Variants in C10orf88 observed in about 807,000 individuals in gnomAD.
C10orf88 encodes ATPase PAAT.
In C10orf88, 29 loss-of-function variants were observed where a neutral mutation model predicts 34.2. That is an observed-to-expected ratio of 0.85 (90% CI 0.63 to 1.16). The LOEUF (loss-of-function observed/expected upper bound fraction) is 1.16, where lower values mean the gene tolerates loss of function less well. Among genes scored for constraint, C10orf88 ranks in the 50% most tolerant of loss-of-function variants. C10orf88 has a pLI of 0.00. For synonymous variants in C10orf88, 194 were observed against 197.4 expected (o/e 0.98, Z 0.15); for missense variants, 507 against 533.2 (o/e 0.95, Z 0.48).
chr10:122,939,435 G>A (rs1213443791), intron 4 of C10orf88, among the ~76,000 whole-genome samples: 1 of 151,898 alleles, frequency 6.6e-6, no homozygotes, highest in Non-Finnish European at 1.5e-5. Flanking sequence ...AAAATAAAGT[G>A]AGAAAGGAGA....
In C10orf88 at chr10:122,951,993, A is replaced by AT. The variant is rs751388819; in HGVS notation, c.401dup (p.Asn134LysfsTer12). The AT allele has an allele frequency of 3.5e-5, 54 of 1,540,452 alleles. No homozygotes were observed. The highest frequency in any genetic ancestry group is 4.3e-5 in the Non-Finnish European group (48 of 1,122,664). ...CATGTGTGGAGGACTCCAATTTTAG[A>AT]TTTTTTTTATACAAAATGATCTTTT... On this transcript the variant is annotated frameshift_variant, in exon 3 of 6. Coordinates refer to ENST00000481909, the MANE Select transcript of C10orf88 (RefSeq NM_024942.4). LOFTEE classifies it high-confidence loss of function.
intron 5 of C10orf88, among the ~76,000 whole-genome samples, chr10:122,934,521 C>T (rs1173872701): frequency 1.3e-5 from 2 of 152,126 alleles, no homozygotes; most frequent in African/African-American, 4.8e-5. Flanking sequence ...TACTGCTCAT[C>T]AGCACTGCGT....
chr10:122,935,878 A>AT (rs1207393183), intron 5 of C10orf88, among the ~76,000 whole-genome samples: 1 of 151,632 alleles, frequency 6.6e-6, no homozygotes, highest in Admixed American at 6.6e-5. Flanking sequence ...TTTTATAAGT[A>AT]TTTTTTATAG....
In C10orf88 at chr10:122,937,705, C is replaced by A; in HGVS notation, c.1103G>T (p.Gly368Val). Residue 368 changes from glycine to valine, a missense_variant and splice_region_variant, in exon 5 of 6, where the codon GGA (glycine) becomes GTA (valine). Transcript: ENST00000481909. ...TCGTATGTCTTAAAATAATACTTAC[C>A]CAACACCAAGAATGCGTTCACCATG... ...TKHGERILGV[G>V]MEEQSICSYL... 6.3e-7 allele frequency: 1 copy of A among 1,592,720 alleles called. No homozygotes were observed. Among genetic ancestry groups the A allele is most frequent in the Non-Finnish European group, 8.6e-7 (1 of 1,169,068 alleles).
intron 5 of C10orf88, among the ~76,000 whole-genome samples, chr10:122,936,061 A>G (rs1404774024): frequency 6.6e-6 from 1 of 151,744 alleles, no homozygotes; most frequent in Non-Finnish European, 1.5e-5. Flanking sequence ...TTCAGTGGAA[A>G]CCTTCAGTGT....
intron 3 of C10orf88, among the ~76,000 whole-genome samples, chr10:122,950,132 C>T (rs1422021269): frequency 6.6e-6 from 1 of 152,182 alleles, no homozygotes; most frequent in East Asian, 1.9e-4. Flanking sequence ...CTAAGTTTAA[C>T]TTACGACTCT....
rs554186315 is a variant in C10orf88, at chr10:122,951,575, T to A, written c.441+379A>T. Among the ~76,000 whole-genome samples the A allele has an allele frequency of 1.6e-3, 249 of 151,940 alleles. 1 individual carries two copies. Among genetic ancestry groups the A allele is most frequent in the African/African-American group, 5.5e-3 (226 of 41,446 alleles). On this transcript the variant is annotated intron_variant, in intron 3 of 5. Coordinates refer to ENST00000481909, the MANE Select transcript of C10orf88 (RefSeq NM_024942.4). ...GGTGAAAAATTTAAAAAAAAAAAAA[T>A]TTCTTAATTCAATGTTAAAAAGGGC... is the stretch of plus-strand genomic sequence containing the variant.
In C10orf88 at chr10:122,941,983, A is replaced by G. The variant is rs117247629; in HGVS notation, c.649-3824T>C. On this transcript the variant is annotated intron_variant, in intron 4 of 5. Coordinates refer to ENST00000481909, the MANE Select transcript of C10orf88 (RefSeq NM_024942.4). Reference sequence around the variant, plus strand: ...TCTGGGGTATAGAATGACAGCTGGAAAACATTTTTAATTTTTACCTAACAC... The same window carrying G: ...TCTGGGGTATAGAATGACAGCTGGAGAACATTTTTAATTTTTACCTAACAC... 6.3e-3 allele frequency among the ~76,000 whole-genome samples: 958 copies of G among 152,242 alleles called. 8 individuals carry two copies. The highest frequency in any genetic ancestry group is 7.5e-3 in the Non-Finnish European group (507 of 68,004).
Position 122,937,815 on chromosome 10 carries a change from C to T in C10orf88, c.993G>A (p.Leu331=), listed in dbSNP as rs1411606599. 6.2e-7 allele frequency: 1 copy of T among 1,613,170 alleles called. No homozygotes were observed. The highest frequency in any genetic ancestry group is 8.5e-7 in the Non-Finnish European group (1 of 1,179,306). ...TACATAAATTCTGGAGAAAAGGCAG[C>T]AACTCGGAGTTGGGTATATTTGAGT... is the stretch of plus-strand genomic sequence containing the variant. ...SDNSNIPNSE[L]LPFLQNLCSQ... is the part of the protein sequence containing the mutation. The change falls in exon 5 of 6, where the codon TTG becomes TTA. Residue 331 remains leucine (L), a synonymous_variant. Coordinates refer to ENST00000481909, the MANE Select transcript of C10orf88 (RefSeq NM_024942.4).
intron 1 of C10orf88, among the ~76,000 whole-genome samples, chr10:122,953,725 CTT>C (rs1384433813): frequency 2.6e-5 from 4 of 152,124 alleles, no homozygotes; most frequent in African/African-American, 9.7e-5. Flanking sequence ...GGCGGACTGA[CTT>C]TGACAGCAGC....
intron 1 of C10orf88, 61 bp from the exon 2 acceptor site, chr10:122,953,093 T>A (rs969298864): frequency 8.1e-6 from 11 of 1,366,446 alleles, no homozygotes; most frequent in Non-Finnish European, 1.0e-6. Context: ...ACTCTTCTTT[T>A]TTGAGACGGA....
At chr10:122,952,750 A>T (rs1848702558) in intron 2 of C10orf88, 79 bp downstream of exon 2, 2 of 1,529,224 alleles carry the variant, frequency 1.3e-6, no homozygotes, top group African/African-American at 2.8e-5. Flanking sequence ...AATATCAGAG[A>T]ATCAATAATT....
rs1281799648 is a variant in C10orf88 at position 122,951,870 on chromosome 10, G to A, written c.441+84C>T. ...AGCAAGCAAGCAAGTTGGACTAATT[G>A]TATTACTAATCCAAAAGAAAACAAG... On this transcript the variant is annotated intron_variant, in intron 3 of 5. Transcript: ENST00000481909. 20 of 826,364 alleles carry A rather than the reference G, an allele frequency of 2.4e-5. No homozygotes were observed. In the East Asian group the frequency reaches 5.0e-4, roughly 20 times the overall value. The allele number at this position is 826,364 out of a possible 1,614,324, so 51.2% of individuals were successfully genotyped here. A position where few individuals can be genotyped will look rare whatever the true frequency, so the allele number is the denominator to read the frequency against.
intron 5 of C10orf88, among the ~76,000 whole-genome samples, chr10:122,933,990 G>A (rs1848509821): frequency 6.6e-6 from 1 of 151,856 alleles, no homozygotes; most frequent in African/African-American, 2.4e-5. Context: ...GTTTATTGGA[G>A]TCCTCAATTA....
chr10:122,934,735 A>C (rs955290914), intron 5 of C10orf88, among the ~76,000 whole-genome samples: 6 of 152,136 alleles, frequency 3.9e-5, no homozygotes, highest in African/African-American at 1.4e-4. Flanking sequence ...ATATTGCCAA[A>C]ATATTTTTTA....
chr10:122,954,139 G>A lies in C10orf88; in HGVS notation c.40C>T (p.Pro14Ser). The change falls in exon 1 of 6, where the codon CCC becomes TCC. Residue 14 changes from proline (P) to serine (S), a missense_variant. By Grantham distance (74) the Pro-to-Ser change is moderately conservative. Coordinates refer to ENST00000481909, the MANE Select transcript of C10orf88 (RefSeq NM_024942.4). ...ACATCCCAAGAAGAGGCCAGCGTGG[G>A]GCGGCGGGTGAGGCCCCCGTCCTCG... Reference protein sequence around the residue: ...RTEDGGLTRRPTLASSWDVAG... With the variant: ...RTEDGGLTRRSTLASSWDVAG... 2 of 1,585,114 alleles carry A rather than the reference G, an allele frequency of 1.3e-6. No homozygotes were observed. The highest frequency in any genetic ancestry group is 1.7e-6 in the Non-Finnish European group (2 of 1,169,738).
intron 1 of C10orf88, 61 bp downstream of exon 1, chr10:122,953,954 C>A: frequency 6.9e-7 from 1 of 1,439,296 alleles, no homozygotes; most frequent in Non-Finnish European, 9.1e-7. Flanking sequence ...CCCCTCACAG[C>A]TCCCCTAGAA....
intron 4 of C10orf88, 133 bp from the exon 5 acceptor site, chr10:122,938,292 T>C (rs1848553220): frequency 7.9e-6 from 6 of 759,220 alleles, no homozygotes; most frequent in South Asian, 2.1e-5. Context: ...AGGCCACTAA[T>C]ACTATCCCAA....
intron 4 of C10orf88, among the ~76,000 whole-genome samples, chr10:122,939,707 A>G (rs1025290884): frequency 1.3e-5 from 2 of 151,990 alleles, no homozygotes; most frequent in African/African-American, 4.8e-5. Context: ...ACTCAGTCAT[A>G]ACAGGAAAGC....
Sources: allele counts gnomAD v4.1 joint callset (sites outside exome capture counted in the v4.1 genomes callset), GRCh38; gene constraint gnomAD v4.1.1; transcripts MANE v1.5; gene names NCBI Gene and HGNC (gene_info 2026-07-23, HGNC 2026-07-21).